The following ADGRA2 variants were observed in gnomAD, a reference collection of about 807,000 sequenced individuals.
The protein encoded by ADGRA2 is adhesion G protein-coupled receptor A2.
A neutral mutation model predicts 98.7 loss-of-function variants in ADGRA2; 61 were observed. The observed-to-expected ratio is 0.62, with a 90% CI of 0.50 to 0.76. ADGRA2 has a LOEUF of 0.76. Among genes scored for constraint, ADGRA2 ranks in the 30% least tolerant of loss-of-function variants. The pLI is 0.00. For missense variants in ADGRA2, 1,712 were observed against 1,860.0 expected (o/e 0.92, Z 1.46); for synonymous variants, 858 against 831.5 (o/e 1.03, Z -0.55).
At chr8:37,798,780 T>C (rs771688238) in intron 1 of ADGRA2, among the ~76,000 whole-genome samples, 1 of 152,354 alleles carries the variant, frequency 6.6e-6, no homozygotes, top group Non-Finnish European at 1.5e-5. Flanking sequence ...AGGACACAAC[T>C]GGTCAGCCTC....
At chr8:37,815,150 G>A (rs531116441) in intron 2 of ADGRA2, among the ~76,000 whole-genome samples, 183 bp downstream of exon 2, 59 of 152,324 alleles carry the variant, frequency 3.9e-4, no homozygotes, top group African/African-American at 1.3e-3. Flanking sequence ...CCACAGAGGC[G>A]CTGGTATGGA....
chr8:37,812,154 T>TG (rs1804850867), intron 1 of ADGRA2, among the ~76,000 whole-genome samples: 3 of 47,644 alleles, frequency 6.3e-5, no homozygotes, highest in African/African-American at 1.7e-4. Flanking sequence ...CTTGCAATGG[T>TG]GTTGTTGTTG....
chr8:37,841,384 G>A lies in ADGRA2; in HGVS notation c.3046G>A (p.Gly1016Arg), dbSNP rs113275053. Residue 1016 changes from glycine to arginine, a missense_variant, in exon 19 of 19, where the codon GGA (glycine) becomes AGA (arginine). Physicochemically the swap from Gly to Arg is moderately radical, Grantham distance 125. Coordinates refer to ENST00000412232, the MANE Select transcript of ADGRA2 (RefSeq NM_032777.10). The surrounding 1 kb of genome is among the most constrained non-coding windows in gnomAD (Gnocchi z 5.0). ...PEDGDSLYSP[G>R]VQLGALVTTH... ...GGATGGTGACAGCCTCTATTCTCCG[G>A]GAGTCCAGCTAGGGGCGCTGGTGAC... is the stretch of plus-strand genomic sequence containing the variant. 1.6e-4 allele frequency: 264 copies of A among 1,611,300 alleles called. No individual in the cohort carries two copies. The highest frequency in any genetic ancestry group is 2.1e-4 in the Non-Finnish European group (249 of 1,179,162).
intron 1 of ADGRA2, among the ~76,000 whole-genome samples, chr8:37,806,165 C>G (rs1804653136): frequency 6.6e-6 from 1 of 152,168 alleles, no homozygotes; most frequent in Non-Finnish European, 1.5e-5. Flanking sequence ...AACATTCCAT[C>G]CTGTTGGACA....
chr8:37,833,384 C>T (rs909040550), intron 9 of ADGRA2, among the ~76,000 whole-genome samples, 176 bp downstream of exon 9: 1 of 152,222 alleles, frequency 6.6e-6, no homozygotes, highest in Non-Finnish European at 1.5e-5. Flanking sequence ...GCTATTCAGA[C>T]CCACTGAGGC....
intron 1 of ADGRA2, among the ~76,000 whole-genome samples, chr8:37,804,407 C>T (rs745393387): frequency 1.6e-4 from 25 of 152,194 alleles, no homozygotes; most frequent in Non-Finnish European, 2.5e-4. Flanking sequence ...CACACCTGCC[C>T]ACTCTGCTGA....
Position 37,844,526 on chromosome 8 carries a change from A to G in ADGRA2, c.*2171A>G, listed in dbSNP as rs141345038. 67 of 1,613,706 alleles carry G rather than the reference A, an allele frequency of 4.2e-5. No homozygotes were observed. Among genetic ancestry groups the G allele is most frequent in the African/African-American group, 3.9e-4 (29 of 75,034 alleles). ...TAGGGACACTCGTGGCAGCCTGTCT[A>G]GCAGCCTGGGCTCTCTGAAAGTCCC... On this transcript the variant is annotated 3_prime_UTR_variant, in exon 19 of 19. Coordinates refer to ENST00000412232, the MANE Select transcript of ADGRA2 (RefSeq NM_032777.10).
chr8:37,841,977 G>T lies in ADGRA2; in HGVS notation c.3639G>T (p.Glu1213Asp). The change falls in exon 19 of 19, where the codon GAG (glutamate) becomes GAT (aspartate). Residue 1213 changes from glutamate to aspartate, a missense_variant. Physicochemically the swap from Glu to Asp is conservative, Grantham distance 45 (BLOSUM62 2). Coordinates refer to ENST00000412232, the MANE Select transcript of ADGRA2 (RefSeq NM_032777.10). This position sits in a 1 kb window ranked among gnomAD's most constrained non-coding sequence, Gnocchi z 5.0. ...GCGGGGGCGCGGCGGGGGCGCTGGA[G>T]CTGCTGTCCAGCGAGAGCGGCAGTC... ...ALRGGAAGAL[E>D]LLSSESGSLH... 2 of 1,503,762 alleles carry T rather than the reference G, an allele frequency of 1.3e-6. No homozygotes were observed. The highest frequency in any genetic ancestry group is 8.8e-7 in the Non-Finnish European group (1 of 1,134,596). 93.2% of individuals were successfully genotyped at this position (1,503,762 alleles called of 1,614,324 possible).
At position 37,828,824 on chromosome 8, in the gene ADGRA2, C is replaced by CTG. The variant is rs1295761028; in HGVS notation, c.339-63_339-62insGT. 28 of 1,369,192 alleles carry CTG rather than the reference C, an allele frequency of 2.0e-5. No individual in the cohort carries two copies. The East Asian group carries it at 6.3e-4, about 31-fold the overall frequency. The allele number at this position is 1,369,192 out of a possible 1,614,324, so 84.8% of individuals were successfully genotyped here. A position where few individuals can be genotyped will look rare whatever the true frequency, so the allele number is the denominator to read the frequency against. On this transcript the variant is annotated intron_variant, in intron 2 of 18. Transcript: ENST00000412232. Reference sequence around the variant, plus strand: ...AACACCGTGGTGACAGTGAGGACCCCTCCCGGGGAGCAGGGCGGCTCCAGC... The same window carrying CTG: ...AACACCGTGGTGACAGTGAGGACCCCTGTCCCGGGGAGCAGGGCGGCTCCAGC...
intron 2 of ADGRA2, among the ~76,000 whole-genome samples, chr8:37,825,877 G>T (rs965234872): frequency 2.0e-5 from 3 of 152,284 alleles, no homozygotes; most frequent in Admixed American, 2.0e-4. Context: ...CACTCGTGGG[G>T]GCTGCCTTGG....
rs986933612 is a variant in ADGRA2 at position 37,821,493 on chromosome 8, C to T, written c.338+6526C>T. 9.8e-5 allele frequency among the ~76,000 whole-genome samples: 15 copies of T among 152,312 alleles called. 1 individual carries two copies. The South Asian group carries it at 2.5e-3, about 25-fold the overall frequency. ...CAAGTACAGCTGGTGATTCATTCCC[C>T]GGGATCCCCTGCCAAGCACATGCAA... On this transcript the variant is annotated intron_variant, in intron 2 of 18. Transcript: ENST00000412232.
intron 2 of ADGRA2, among the ~76,000 whole-genome samples, 184 bp downstream of exon 2, chr8:37,815,151 C>T (rs1479860129): frequency 1.4e-4 from 21 of 152,182 alleles, no homozygotes; most frequent in African/African-American, 4.6e-4. Context: ...CACAGAGGCG[C>T]TGGTATGGAA....
chr8:37,805,646 G>A (rs1413465749), intron 1 of ADGRA2, among the ~76,000 whole-genome samples: 1 of 151,862 alleles, frequency 6.6e-6, no homozygotes, highest in Non-Finnish European at 1.5e-5. Flanking sequence ...GAGGTGGGTG[G>A]ATCACGAGGT....
Position 37,842,376 on chromosome 8 carries a change from A to G in ADGRA2, c.*21A>G. The G allele has an allele frequency of 6.9e-7, 1 of 1,450,272 alleles. No individual in the cohort carries two copies. Among genetic ancestry groups the G allele is most frequent in the Non-Finnish European group, 9.1e-7 (1 of 1,103,738 alleles). 89.8% of individuals were successfully genotyped at this position (1,450,272 alleles called of 1,614,324 possible). On this transcript the variant is annotated 3_prime_UTR_variant, in exon 19 of 19. Coordinates refer to ENST00000412232, the MANE Select transcript of ADGRA2 (RefSeq NM_032777.10). ...TCTAAGGTGGGGCGGGCGACGCGGTAGACGGGCTGGCCACGCGGCTCGTTC... is the reference window on the plus strand; with the variant it reads ...TCTAAGGTGGGGCGGGCGACGCGGTGGACGGGCTGGCCACGCGGCTCGTTC...
At chr8:37,833,937 C>T (rs1451527700) in intron 10 of ADGRA2, 30 bp from the exon 11 acceptor site, 21 of 1,607,882 alleles carry the variant, frequency 1.3e-5, no homozygotes, top group Non-Finnish European at 1.7e-5. Context: ...AACCCCGCCC[C>T]TGCCCTCAGC....
rs1006784622 is a variant in ADGRA2, at chr8:37,829,940, A to C, written c.644A>C (p.His215Pro). The C allele has an allele frequency of 2.5e-6, 4 of 1,611,492 alleles. No homozygotes were observed. Among genetic ancestry groups the C allele is most frequent in the Non-Finnish European group, 3.4e-6 (4 of 1,179,766 alleles). The change falls in exon 6 of 19, where the codon CAC becomes CCC. Residue 215 changes from histidine (H) to proline (P), a missense_variant. His to Pro is a moderately conservative substitution (Grantham distance 77). Coordinates refer to ENST00000412232, the MANE Select transcript of ADGRA2 (RefSeq NM_032777.10). ...AATCGCTCCCTGCAGCTGTCGGAAC[A>C]CACGCTCTGTGCTTACCCCAGTGCC... The part of the protein sequence containing the change: ...AQNRSLQLSE[H>P]TLCAYPSALH...
intron 2 of ADGRA2, among the ~76,000 whole-genome samples, chr8:37,817,845 T>C (rs891347545): frequency 2.6e-5 from 4 of 152,262 alleles, no homozygotes; most frequent in Non-Finnish European, 5.9e-5. Context: ...GGTGAAACCC[T>C]GTCTCTACTA....
chr8:37,840,154 A>T lies in ADGRA2; in HGVS notation c.2545A>T (p.Thr849Ser). The T allele has an allele frequency of 6.2e-7, 1 of 1,609,330 alleles. No individual in the cohort carries two copies. Among genetic ancestry groups the T allele is most frequent in the Non-Finnish European group, 8.5e-7 (1 of 1,179,714 alleles). ...CACCCTGCACTACTCCTCCCTATCCACGCTGCTCTGGATGGGCGTGAAGGC... is the reference window on the plus strand; with the variant it reads ...CACCCTGCACTACTCCTCCCTATCCTCGCTGCTCTGGATGGGCGTGAAGGC... ...GITLHYSSLSTLLWMGVKARV... is the reference protein window; with the variant it reads ...GITLHYSSLSSLLWMGVKARV... Residue 849 changes from threonine to serine, a missense_variant, in exon 17 of 19, where the codon ACG (threonine) becomes TCG (serine). Transcript: ENST00000412232.
Position 37,797,080 on chromosome 8 carries a change from G to A in ADGRA2, c.-189G>A. On this transcript the variant is annotated 5_prime_UTR_variant, in exon 1 of 19. Coordinates refer to ENST00000412232, the MANE Select transcript of ADGRA2 (RefSeq NM_032777.10). This position sits in a 1 kb window ranked among gnomAD's most constrained non-coding sequence, Gnocchi z 5.3. ...CAGCCGCGCCGACGTCCTCCCCGCC[G>A]GGGCGCTCGCAGGACATGCCCCCGG... 1 of 252,302 alleles carries A rather than the reference G, an allele frequency of 4.0e-6. No individual in the cohort carries two copies. Among genetic ancestry groups the A allele is most frequent in the Non-Finnish European group, 7.1e-6 (1 of 141,306 alleles). 15.6% of individuals were successfully genotyped at this position (252,302 alleles called of 1,614,324 possible).
Sources: allele counts gnomAD v4.1 joint callset (sites outside exome capture counted in the v4.1 genomes callset), GRCh38; gene constraint gnomAD v4.1.1; non-coding constraint Gnocchi (gnomAD v3.1); transcripts MANE v1.5; gene names NCBI Gene and HGNC (gene_info 2026-07-23, HGNC 2026-07-21).